The following CAMKK1 variants were observed in gnomAD, a reference collection of about 807,000 sequenced individuals.
CAMKK1 encodes calcium/calmodulin dependent protein kinase kinase 1.
Under a neutral mutation model 63.5 loss-of-function variants are expected in CAMKK1, and 20 were observed. The ratio of observed to expected loss-of-function variants is 0.32; its 90% CI spans 0.22 to 0.46. The LOEUF is 0.46. Ranked by LOEUF, CAMKK1 falls within the 20% of genes least tolerant of loss-of-function variation. The pLI, the probability that CAMKK1 is intolerant of heterozygous loss-of-function variation, is 1.00. For synonymous variants in CAMKK1, 253 were observed against 269.0 expected, an observed-to-expected ratio of 0.94 and a Z score of 0.58; for missense variants, 588 against 658.1, an observed-to-expected ratio of 0.89 and a Z score of 1.17.
rs542395410 is a variant in CAMKK1 at position 3,862,005 on chromosome 17, C to T, written c.*206G>A. On this transcript the variant is annotated 3_prime_UTR_variant, in exon 16 of 16. Transcript: ENST00000348335. This position sits in a 1 kb window ranked among gnomAD's most constrained non-coding sequence, Gnocchi z 4.1. ...AAGAGGAGGATGGCCTCGTGGGAGC[C>T]CTGCCCCCAAGACCCCAAATGACAT... 1.1e-3 allele frequency: 667 copies of T among 589,672 alleles called. 1 individual carries two copies. The highest frequency in any genetic ancestry group is 2.7e-3 in the Middle Eastern group (6 of 2,220). The allele number at this position is 589,672 out of a possible 1,614,324, so 36.5% of individuals were successfully genotyped here.
At chr17:3,888,179 G>A (rs1376240273) in intron 1 of CAMKK1, among the ~76,000 whole-genome samples, 1 of 152,150 alleles carries the variant, frequency 6.6e-6, no homozygotes, top group Non-Finnish European at 1.5e-5. Context: ...ACGGGACTCA[G>A]AGCCGCCACA....
chr17:3,886,166 G>C (rs1413052957), intron 1 of CAMKK1, among the ~76,000 whole-genome samples: 1 of 152,184 alleles, frequency 6.6e-6, no homozygotes, highest in Non-Finnish European at 1.5e-5. Context: ...CCTGGAAGCT[G>C]AGCTAGACAC....
In CAMKK1 at chr17:3,882,934, T is replaced by G; in HGVS notation, c.648+108A>C. ...TGTCCTCAGAGGCCTCAGCCACATCTGCCACCTGGGCAAGATCCCTGGGTC... is the reference window on the plus strand; with the variant it reads ...TGTCCTCAGAGGCCTCAGCCACATCGGCCACCTGGGCAAGATCCCTGGGTC... On this transcript the variant is annotated intron_variant, in intron 6 of 15. Coordinates refer to ENST00000348335, the MANE Select transcript of CAMKK1 (RefSeq NM_032294.3). The surrounding 1 kb of genome is among the most constrained non-coding windows in gnomAD (Gnocchi z 4.3). The G allele has an allele frequency of 6.9e-7, 1 of 1,446,398 alleles. No individual in the cohort carries two copies. Among genetic ancestry groups the G allele is most frequent in the East Asian group, 2.3e-5 (1 of 43,634 alleles). 89.6% of individuals were successfully genotyped at this position (1,446,398 alleles called of 1,614,324 possible). A position where few individuals can be genotyped will look rare whatever the true frequency, so the allele number is the denominator to read the frequency against.
Position 3,883,308 on chromosome 17 carries a change from G to C in CAMKK1, c.514+121C>G. On this transcript the variant is annotated intron_variant, in intron 5 of 15. Transcript: ENST00000348335. The surrounding 1 kb of genome is among the most constrained non-coding windows in gnomAD (Gnocchi z 4.7). Reference sequence around the variant, plus strand: ...ACCCACAGGGCACATTCTGTCCCCAGGCCTCTGCTCACGCTGTCTCCCTCT... The same window carrying C: ...ACCCACAGGGCACATTCTGTCCCCACGCCTCTGCTCACGCTGTCTCCCTCT... 3 of 1,477,500 alleles carry C rather than the reference G, an allele frequency of 2.0e-6. No individual in the cohort carries two copies. The highest frequency in any genetic ancestry group is 2.8e-6 in the Non-Finnish European group (3 of 1,061,860). The allele number at this position is 1,477,500 out of a possible 1,614,324, so 91.5% of individuals were successfully genotyped here.
chr17:3,882,637 C>A lies in CAMKK1; in HGVS notation c.649-73G>T. The A allele has an allele frequency of 5.0e-6, 7 of 1,409,354 alleles. No homozygotes were observed. The highest frequency in any genetic ancestry group is 6.9e-6 in the Non-Finnish European group (7 of 1,018,390). 87.3% of individuals were successfully genotyped at this position (1,409,354 alleles called of 1,614,324 possible). ...GTTGGAGGTCCCAGGCCTCCTGGTC[C>A]TTGCCAGCCCCAGAACCCTTAGTAT... is the stretch of plus-strand genomic sequence containing the variant. On this transcript the variant is annotated intron_variant, in intron 6 of 15. Coordinates refer to ENST00000348335, the MANE Select transcript of CAMKK1 (RefSeq NM_032294.3). This position sits in a 1 kb window ranked among gnomAD's most constrained non-coding sequence, Gnocchi z 4.3.
chr17:3,872,696 C>T, intron 11 of CAMKK1, 69 bp from the exon 12 acceptor site: 1 of 1,396,194 alleles, frequency 7.2e-7, no homozygotes, highest in Non-Finnish European at 1.0e-6. Context: ...GATCAACCCC[C>T]CTCCCTTGGT....
chr17:3,874,509 T>C (rs1024835474), intron 10 of CAMKK1, among the ~76,000 whole-genome samples: 5 of 152,162 alleles, frequency 3.3e-5, no homozygotes, highest in African/African-American at 9.7e-5. Flanking sequence ...GTAGCTGGAA[T>C]TACAGGTGCC....
rs578017156 is a variant in CAMKK1 at position 3,884,495 on chromosome 17, C to T, written c.361-68G>A. On this transcript the variant is annotated intron_variant, in intron 2 of 15. Transcript: ENST00000348335. This position sits in a 1 kb window ranked among gnomAD's most constrained non-coding sequence, Gnocchi z 4.5. ...GCAGCACTGCTCCTACCTCAGAGCC[C>T]GTTCAGGGTCCAATTCTGGCCATAA... 4.0e-5 allele frequency: 59 copies of T among 1,475,910 alleles called. No individual in the cohort carries two copies. Among genetic ancestry groups the T allele is most frequent in the African/African-American group, 3.1e-4 (22 of 72,012 alleles). 91.4% of individuals were successfully genotyped at this position (1,475,910 alleles called of 1,614,324 possible). A position where few individuals can be genotyped will look rare whatever the true frequency, so the allele number is the denominator to read the frequency against.
Position 3,889,677 on chromosome 17 carries a change from C to A in CAMKK1, c.-44+3262G>T, listed in dbSNP as rs561550858. On this transcript the variant is annotated intron_variant, in intron 1 of 15. Coordinates refer to ENST00000348335, the MANE Select transcript of CAMKK1 (RefSeq NM_032294.3). The surrounding 1 kb of genome is among the most constrained non-coding windows in gnomAD (Gnocchi z 5.2). ...GAGCCTTGATGTGCAAGGTCCAACC[C>A]CACCTCTGCCCCCAGCTCCAAGATG... Among the ~76,000 whole-genome samples, 1 of 152,258 alleles carries A rather than the reference C, an allele frequency of 6.6e-6. No individual in the cohort carries two copies. The highest frequency in any genetic ancestry group is 2.4e-5 in the African/African-American group (1 of 41,544).
chr17:3,883,370 G>T lies in CAMKK1; in HGVS notation c.514+59C>A. 1 of 1,545,878 alleles carries T rather than the reference G, an allele frequency of 6.5e-7. No individual in the cohort carries two copies. The highest frequency in any genetic ancestry group is 8.9e-7 in the Non-Finnish European group (1 of 1,118,310). ...CTAGCCAAAACTAGCTCAGGATCGA[G>T]GTCTCCTCCTCTGCCTCCAGGCTAG... On this transcript the variant is annotated intron_variant, in intron 5 of 15. Transcript: ENST00000348335. The surrounding 1 kb of genome is among the most constrained non-coding windows in gnomAD (Gnocchi z 4.7).
At chr17:3,873,585 A>AGAGGCCTGCAGGG in intron 10 of CAMKK1, 123 bp from the exon 11 acceptor site, 1 of 935,316 alleles carries the variant, frequency 1.1e-6, no homozygotes, top group Non-Finnish European at 1.7e-6. Context: ...CTCACTCGAC[A>AGAGGCCTGCAGGG]AACACTCCGC....
Position 3,882,359 on chromosome 17 carries a change from G to A in CAMKK1, c.685+169C>T. 1 of 1,613,590 alleles carries A rather than the reference G, an allele frequency of 6.2e-7. No homozygotes were observed. The highest frequency in any genetic ancestry group is 8.5e-7 in the Non-Finnish European group (1 of 1,179,594). ...GAATCTAACTGGATATTCTGGGCCT[G>A]GTTCTGCAGGGCTGGGCAAGGGAAT... On this transcript the variant is annotated intron_variant, in intron 7 of 15. Transcript: ENST00000348335. This position sits in a 1 kb window ranked among gnomAD's most constrained non-coding sequence, Gnocchi z 4.3.
In CAMKK1 at chr17:3,872,598, G is replaced by A. The variant is rs760978723; in HGVS notation, c.1080C>T (p.Ala360=). 19 of 1,614,006 alleles carry A rather than the reference G, an allele frequency of 1.2e-5. No homozygotes were observed. Among genetic ancestry groups the A allele is most frequent in the Non-Finnish European group, 1.6e-5 (19 of 1,179,882 alleles). Residue 360 remains alanine (A), a synonymous_variant, in exon 12 of 16, where the codon GCC becomes GCT. Transcript: ENST00000348335. Reference sequence around the variant, plus strand: ...GCTCATTCTTGATCTTCCTGTGGAGGGCCAGGATGAAATCGTCGATGAATG... The same window carrying A: ...GCTCATTCTTGATCTTCCTGTGGAGAGCCAGGATGAAATCGTCGATGAATG... ...KCPFIDDFIL[A]LHRKIKNEPV... is the part of the protein sequence containing the mutation.
intron 9 of CAMKK1, among the ~76,000 whole-genome samples, chr17:3,878,122 A>C (rs886125273): frequency 1.3e-5 from 2 of 151,850 alleles, no homozygotes; most frequent in Non-Finnish European, 2.9e-5. Context: ...AGCTTCTCAC[A>C]TCTATTCCAG....
chr17:3,872,507 C>T (rs759799616), intron 12 of CAMKK1, 47 bp downstream of exon 12: 5 of 1,523,872 alleles, frequency 3.3e-6, no homozygotes, highest in Non-Finnish European at 4.6e-6. Flanking sequence ...AACTCAGACA[C>T]CAGGAGCGGG....
rs770909305 is a variant in CAMKK1, at chr17:3,882,483, G to A, written c.685+45C>T. 8 of 1,600,320 alleles carry A rather than the reference G, an allele frequency of 5.0e-6. No homozygotes were observed. In the Admixed American group the frequency reaches 1.2e-4, roughly 24 times the overall value. On this transcript the variant is annotated intron_variant, in intron 7 of 15. Transcript: ENST00000348335. The surrounding 1 kb of genome is among the most constrained non-coding windows in gnomAD (Gnocchi z 4.3). ...ATACATGTCCCAAGGGAGCCCTTGG[G>A]CCAGCCCTGAGTGAGCTGCTGTGGG...
chr17:3,860,395 T>G lies in CAMKK1; in HGVS notation c.*1816A>C, dbSNP rs1196401986. The G allele has an allele frequency of 6.6e-6, 1 of 152,606 alleles. No homozygotes were observed. 9.5% of individuals were successfully genotyped at this position (152,606 alleles called of 1,614,324 possible). A position where few individuals can be genotyped will look rare whatever the true frequency, so the allele number is the denominator to read the frequency against. On this transcript the variant is annotated 3_prime_UTR_variant, in exon 16 of 16. Transcript: ENST00000348335. ...TGGGAAGTTAATTTTTAAAACACTC[T>G]TATAGAGTTTGCTCATCGCTTGTGC...
intron 1 of CAMKK1, among the ~76,000 whole-genome samples, chr17:3,886,525 G>A (rs1332990895): frequency 6.6e-6 from 1 of 152,096 alleles, no homozygotes; most frequent in Non-Finnish European, 1.5e-5. Flanking sequence ...CCATCTACTC[G>A]GGAGGCTGAG....
chr17:3,880,086 A>C (rs925618681), intron 9 of CAMKK1: 2 of 497,014 alleles, frequency 4.0e-6, no homozygotes, highest in African/African-American at 3.9e-5. Context: ...AGCAGAAGAA[A>C]GATACAGAAC....
Sources: gnomAD v4.1 joint callset for allele counts (sites outside exome capture counted in the v4.1 genomes callset) on GRCh38, gnomAD v4.1.1 for gene constraint, Gnocchi (gnomAD v3.1) non-coding constraint, MANE v1.5 for transcripts, NCBI Gene and HGNC (gene_info 2026-07-23, HGNC 2026-07-21) for gene names.